Variants in WDR41 observed in about 807,000 individuals in gnomAD.
WDR41 encodes the protein WD repeat domain 41.
In WDR41, 63 loss-of-function variants were observed where a neutral mutation model predicts 69.3. The observed-to-expected ratio is 0.91, with a 90% confidence interval of 0.74 to 1.12. WDR41 has a LOEUF of 1.12. WDR41 is among the 50% of genes most tolerant of loss of function. The pLI is 0.00. For synonymous variants in WDR41, 185 were observed against 192.1 expected, an observed-to-expected ratio of 0.96 and a Z score of 0.31; for missense variants, 543 against 534.5, an observed-to-expected ratio of 1.02 and a Z score of -0.16.
At position 77,440,909 on chromosome 5, in the gene WDR41, G is replaced by A. The variant is rs750049646; in HGVS notation, c.786C>T (p.Phe262=). The A allele has an allele frequency of 1.2e-5, 19 of 1,614,078 alleles. No homozygotes were observed. In the South Asian group the frequency reaches 1.6e-4, roughly 14 times the overall value. The change falls in exon 9 of 13, where the codon TTC becomes TTT. Residue 262 remains phenylalanine, a synonymous_variant. Coordinates refer to ENST00000296679, the MANE Select transcript of WDR41 (RefSeq NM_018268.4). ...DWTMQAYERN[F]WDPSPQLDTQ... ...TGTCCAGTTGTGGAGATGGGTCCCA[G>A]AAGTTGCGTTCATAGGCCTGCATGG...
At chr5:77,598,651 T>TTG (rs1366734961) in intron 1 of WDR41, among the ~76,000 whole-genome samples, 1 of 135,708 alleles carries the variant, frequency 7.4e-6, no homozygotes, top group African/African-American at 2.6e-5. Context: ...TTCCTTTTTT[T>TTG]TTTTGTTTTT....
chr5:77,531,411 A>G (rs1802527308), intron 1 of WDR41, among the ~76,000 whole-genome samples: 1 of 151,940 alleles, frequency 6.6e-6, no homozygotes, highest in African/African-American at 2.4e-5. Flanking sequence ...AAAGATGCTC[A>G]ACATCATTAG....
intron 1 of WDR41, among the ~76,000 whole-genome samples, chr5:77,531,515 G>A (rs1002535489): frequency 1.3e-5 from 2 of 151,946 alleles, no homozygotes; most frequent in African/African-American, 4.8e-5. Context: ...TGTTGGTGAG[G>A]ATGTGAAGAA....
intron 5 of WDR41, among the ~76,000 whole-genome samples, chr5:77,456,986 G>C (rs1181534007): frequency 6.6e-6 from 1 of 152,152 alleles, no homozygotes; most frequent in Non-Finnish European, 1.5e-5. Context: ...TTGCAGGCAT[G>C]AACTACCACA....
chr5:77,515,486 A>C (rs1561212190), intron 1 of WDR41, among the ~76,000 whole-genome samples: 1 of 152,058 alleles, frequency 6.6e-6, no homozygotes, highest in Non-Finnish European at 1.5e-5. Flanking sequence ...TTTACAGTTA[A>C]CATTTTTTTT....
intron 1 of WDR41, among the ~76,000 whole-genome samples, chr5:77,515,166 TAAAAC>T (rs1406647191): frequency 6.6e-6 from 1 of 152,184 alleles, no homozygotes; most frequent in African/African-American, 2.4e-5. Context: ...TAACACATCT[TAAAAC>T]ATATGTTTTA....
intron 1 of WDR41, among the ~76,000 whole-genome samples, chr5:77,521,827 T>C (rs1802374324): frequency 6.6e-6 from 1 of 152,216 alleles, no homozygotes; most frequent in Non-Finnish European, 1.5e-5. Context: ...TAATAGCATA[T>C]GTACACCACT....
In WDR41 at chr5:77,453,825, G is replaced by C. The variant is rs1235576540; in HGVS notation, c.515C>G (p.Ser172Cys). The change falls in exon 6 of 13, where the codon TCT (serine) becomes TGT (cysteine). Residue 172 changes from serine to cysteine, a missense_variant. Transcript: ENST00000296679. Reference protein sequence around the residue: ...LDLLCKTSHLSDTGISALVEI... With the variant: ...LDLLCKTSHLCDTGISALVEI... Reference sequence around the variant, plus strand: ...ACCTTGATGTTTTTTACCTGTATCAGAAAGGTGGCTAGTCTTACACAGGAG... The same window carrying C: ...ACCTTGATGTTTTTTACCTGTATCACAAAGGTGGCTAGTCTTACACAGGAG... 5 of 1,613,300 alleles carry C rather than the reference G, an allele frequency of 3.1e-6. No homozygotes were observed. Among genetic ancestry groups the C allele is most frequent in the African/African-American group, 1.3e-5 (1 of 74,890 alleles).
At chr5:77,522,777 G>T (rs1314027343) in intron 1 of WDR41, among the ~76,000 whole-genome samples, 1 of 152,166 alleles carries the variant, frequency 6.6e-6, no homozygotes, top group Non-Finnish European at 1.5e-5. Flanking sequence ...TAGAAAAAAA[G>T]AGTAGGGAGT....
At chr5:77,516,158 G>C (rs191579751) in intron 1 of WDR41, among the ~76,000 whole-genome samples, 1 of 152,114 alleles carries the variant, frequency 6.6e-6, no homozygotes, top group East Asian at 1.9e-4. Context: ...TCTGTTTTGG[G>C]TATTTAAAAA....
chr5:77,485,975 A>C (rs1801502859), intron 2 of WDR41, among the ~76,000 whole-genome samples: 2 of 152,234 alleles, frequency 1.3e-5, no homozygotes, highest in Non-Finnish European at 2.9e-5. Context: ...TAATGTCTTC[A>C]AAAACTAAGA....
chr5:77,594,590 G>T (rs984396577), intron 1 of WDR41, among the ~76,000 whole-genome samples: 1 of 152,094 alleles, frequency 6.6e-6, no homozygotes, highest in African/African-American at 2.4e-5. Context: ...CTGTTTCTAT[G>T]ACACCAGTAA....
At chr5:77,594,858 A>C (rs944252768) in intron 1 of WDR41, among the ~76,000 whole-genome samples, 11 of 152,246 alleles carry the variant, frequency 7.2e-5, no homozygotes, top group Admixed American at 6.5e-5. Flanking sequence ...CCAACTGACA[A>C]GAAGATACAC....
intron 2 of WDR41, among the ~76,000 whole-genome samples, chr5:77,467,339 G>C (rs1392822038): frequency 6.6e-6 from 1 of 151,932 alleles, no homozygotes; most frequent in African/African-American, 2.4e-5. Context: ...TATTCAGTGT[G>C]ATTCCGTGCT....
chr5:77,481,892 A>G (rs1217134501), intron 2 of WDR41, among the ~76,000 whole-genome samples: 1 of 152,192 alleles, frequency 6.6e-6, no homozygotes, highest in Non-Finnish European at 1.5e-5. Context: ...GATTCCTACA[A>G]CTATTCTCAA....
At chr5:77,437,243 T>C in intron 11 of WDR41, 93 bp downstream of exon 11, 2 of 1,026,940 alleles carry the variant, frequency 1.9e-6, no homozygotes, top group Middle Eastern at 2.0e-4. Flanking sequence ...ATTTCTATAT[T>C]ATTTTAGTGG....
intron 11 of WDR41, among the ~76,000 whole-genome samples, chr5:77,437,037 T>C (rs1258717650): frequency 2.0e-5 from 3 of 152,222 alleles, no homozygotes; most frequent in Admixed American, 1.3e-4. Context: ...GTCAGAATTA[T>C]AGACAATATA....
intron 1 of WDR41, chr5:77,620,393 GA>G: frequency 2.3e-6 from 1 of 436,442 alleles, no homozygotes. Flanking sequence ...TTTAATAGGG[GA>G]AAAGAATTTG....
At chr5:77,601,905 T>C (rs769264521) in intron 1 of WDR41, among the ~76,000 whole-genome samples, 19 of 152,228 alleles carry the variant, frequency 1.2e-4, no homozygotes, top group Non-Finnish European at 1.8e-4. Context: ...TGTGTAATGA[T>C]CAAGTCAGGG....
Sources: allele counts gnomAD v4.1 joint callset (sites outside exome capture counted in the v4.1 genomes callset), GRCh38; gene constraint gnomAD v4.1.1; transcripts MANE v1.5; gene names NCBI Gene and HGNC (gene_info 2026-07-23, HGNC 2026-07-21).